STMND1: variants seen among roughly 807,000 people sequenced by gnomAD.
STMND1 encodes stathmin domain-containing protein 1.
STMND1 carries 17 observed loss-of-function variants against 23.0 expected under a neutral mutation model. That is an observed-to-expected ratio of 0.74 (90% CI 0.51 to 1.11). The LOEUF is 1.11. Ranked by LOEUF, STMND1 falls within the 50% of genes least tolerant of loss-of-function variation. The pLI, the probability that STMND1 is intolerant of heterozygous loss-of-function variation, is 0.00. For synonymous variants in STMND1, 114 were observed against 119.9 expected (o/e 0.95, Z 0.32); for missense variants, 305 against 329.1 (o/e 0.93, Z 0.57).
At chr6:17,105,856 C>T (rs1355185411) in intron 1 of STMND1, among the ~76,000 whole-genome samples, 2 of 151,168 alleles carry the variant, frequency 1.3e-5, no homozygotes, top group Non-Finnish European at 3.0e-5. Context: ...ACCTGGGAGG[C>T]GGAACTTGCA....
At chr6:17,108,944 G>A (rs1561921994) in intron 1 of STMND1, among the ~76,000 whole-genome samples, 1 of 152,094 alleles carries the variant, frequency 6.6e-6, no homozygotes, top group South Asian at 2.1e-4. Context: ...TGATCTGCCT[G>A]CCTTGGCCTC....
chr6:17,117,180 T>A (rs1340538423), intron 2 of STMND1, among the ~76,000 whole-genome samples: 1 of 151,950 alleles, frequency 6.6e-6, no homozygotes, highest in Non-Finnish European at 1.5e-5. Flanking sequence ...GCAATTCTCC[T>A]GCCTCCGCCT....
intron 3 of STMND1, among the ~76,000 whole-genome samples, chr6:17,125,658 A>C (rs916668779): frequency 1.3e-5 from 2 of 152,194 alleles, no homozygotes; most frequent in African/African-American, 4.8e-5. Flanking sequence ...CAATAACGCC[A>C]GCTAATGATC....
intron 1 of STMND1, among the ~76,000 whole-genome samples, chr6:17,107,430 G>C (rs1037380821): frequency 6.6e-6 from 1 of 151,948 alleles, no homozygotes; most frequent in African/African-American, 2.4e-5. Flanking sequence ...TTATCCCCAA[G>C]ACACTGAGGT....
intron 3 of STMND1, among the ~76,000 whole-genome samples, chr6:17,127,396 A>T (rs976082533): frequency 2.6e-5 from 4 of 152,124 alleles, no homozygotes; most frequent in Non-Finnish European, 5.9e-5. Context: ...CTAAAAATAC[A>T]AAAATTAGCT....
chr6:17,106,582 C>T (rs542878158), intron 1 of STMND1, among the ~76,000 whole-genome samples: 68 of 152,214 alleles, frequency 4.5e-4, no homozygotes, highest in African/African-American at 1.5e-3. Context: ...GCCCCAAGCA[C>T]TTGACTTTGG....
At chr6:17,123,926 G>T (rs1389509775) in intron 3 of STMND1, among the ~76,000 whole-genome samples, 1 of 152,072 alleles carries the variant, frequency 6.6e-6, no homozygotes, top group East Asian at 1.9e-4. Flanking sequence ...GAGTTATGAG[G>T]CCAATGTAAA....
rs573000205 is a variant in STMND1, at chr6:17,123,428, C to A, written c.411+2670C>A. Among the ~76,000 whole-genome samples, 5 of 152,130 alleles carry A rather than the reference C, an allele frequency of 3.3e-5. No homozygotes were observed. The South Asian group carries it at 8.3e-4, about 25-fold the overall frequency. The stretch of plus-strand genomic sequence containing the variant: ...TAAGCCAGGCTTGCAACAGACCAGG[C>A]AGCAACACACAGCTCTCTTGTTTCA... On this transcript the variant is annotated intron_variant, in intron 3 of 4. Transcript: ENST00000536551.
chr6:17,109,339 T>C (rs1761068496), intron 1 of STMND1, among the ~76,000 whole-genome samples: 3 of 152,268 alleles, frequency 2.0e-5, no homozygotes, highest in South Asian at 4.1e-4. Context: ...ATAAACACAG[T>C]GATAAGGAGC....
chr6:17,111,535 A>G (rs1357896883), intron 1 of STMND1, among the ~76,000 whole-genome samples: 1 of 152,182 alleles, frequency 6.6e-6, no homozygotes, highest in Admixed American at 6.6e-5. Context: ...AATGAGCTCC[A>G]ATGCCATCAT....
At chr6:17,105,187 T>C (rs1761005791) in intron 1 of STMND1, among the ~76,000 whole-genome samples, 1 of 152,202 alleles carries the variant, frequency 6.6e-6, no homozygotes. Flanking sequence ...GGTTTTGGTA[T>C]CCGAGGGAGG....
chr6:17,110,813 C>T (rs1310361468), intron 1 of STMND1: 1 of 455,852 alleles, frequency 2.2e-6, no homozygotes, highest in Non-Finnish European at 4.4e-6. Context: ...GAAGACATTA[C>T]CGAGTGGAAG....
At position 17,131,362 on chromosome 6, in the gene STMND1, T is replaced by G. The variant is rs1232095088; in HGVS notation, c.*481T>G. ...TTTTTTTCTCTGTGTTGTGAAGGAA[T>G]AAAGCAATGTCTTGAAGTTGGCTGA... is the stretch of plus-strand genomic sequence containing the variant. On this transcript the variant is annotated 3_prime_UTR_variant, in exon 5 of 5. Coordinates refer to ENST00000536551, the MANE Select transcript of STMND1 (RefSeq NM_001190766.2). 1 of 152,750 alleles carries G rather than the reference T, an allele frequency of 6.5e-6. No individual in the cohort carries two copies. The highest frequency in any genetic ancestry group is 1.9e-4 in the East Asian group (1 of 5,218). 9.5% of individuals were successfully genotyped at this position (152,750 alleles called of 1,614,324 possible).
At chr6:17,123,187 C>T (rs984719818) in intron 3 of STMND1, among the ~76,000 whole-genome samples, 2 of 152,068 alleles carry the variant, frequency 1.3e-5, no homozygotes, top group African/African-American at 4.8e-5. Flanking sequence ...TATAAACTAC[C>T]TTGTGAAAGA....
rs559458488 is a variant in STMND1 at position 17,130,759 on chromosome 6, C to T, written c.709C>T (p.Pro237Ser). Residue 237 changes from proline to serine, a missense_variant, in exon 5 of 5, where the codon CCA becomes TCA. Physicochemically the swap from Pro to Ser is moderately conservative, Grantham distance 74. Transcript: ENST00000536551. ...FEPSDLQGGK[P>S]LKRKKSKCDA... ...ACCATCTGACCTGCAGGGAGGAAAACCATTGAAGAGGAAGAAGAGTAAATG... is the reference window on the plus strand; with the variant it reads ...ACCATCTGACCTGCAGGGAGGAAAATCATTGAAGAGGAAGAAGAGTAAATG... 1.2e-4 allele frequency: 182 copies of T among 1,535,926 alleles called. No individual in the cohort carries two copies. The South Asian group carries it at 2.1e-3, about 18-fold the overall frequency.
At chr6:17,104,587 C>T (rs761530106) in intron 1 of STMND1, among the ~76,000 whole-genome samples, 46 of 152,266 alleles carry the variant, frequency 3.0e-4, no homozygotes, top group Non-Finnish European at 3.5e-4. Flanking sequence ...TCACTTCTCG[C>T]TTGGATTTTT....
intron 1 of STMND1, among the ~76,000 whole-genome samples, chr6:17,105,720 A>T (rs1164031339): frequency 2.0e-5 from 3 of 150,898 alleles, no homozygotes; most frequent in Non-Finnish European, 4.4e-5. Flanking sequence ...AGGTCAGGAG[A>T]TCGAGACCAT....
chr6:17,114,629 T>C (rs911683091), intron 1 of STMND1, among the ~76,000 whole-genome samples: 1 of 152,232 alleles, frequency 6.6e-6, no homozygotes, highest in Non-Finnish European at 1.5e-5. Flanking sequence ...ACAATAGGTT[T>C]TGTGCTCCTA....
In STMND1 at chr6:17,129,235, C is replaced by G. The variant is rs1406868352; in HGVS notation, c.535C>G (p.Arg179Gly). Residue 179 changes from arginine to glycine, a missense_variant, in exon 4 of 5, where the codon CGC becomes GGC. Arg to Gly is a moderately radical substitution (Grantham distance 125). Transcript: ENST00000536551. ...IEEKMEAAEE[R>G]RKTKEEEIRK... ...GGAGAAGATGGAGGCTGCCGAGGAG[C>G]GCAGGAAGGTAGTGAGCTCTCAGAT... 6 of 1,535,694 alleles carry G rather than the reference C, an allele frequency of 3.9e-6. No individual in the cohort carries two copies. The highest frequency in any genetic ancestry group is 5.2e-6 in the Non-Finnish European group (6 of 1,146,786).
Sources: gnomAD v4.1 joint callset for allele counts (sites outside exome capture counted in the v4.1 genomes callset) on GRCh38, gnomAD v4.1.1 for gene constraint, MANE v1.5 for transcripts, NCBI Gene and HGNC (gene_info 2026-07-23, HGNC 2026-07-21) for gene names.